The following TBC1D22A variants were observed in gnomAD, a reference collection of about 807,000 sequenced individuals.
The protein encoded by TBC1D22A is putative GTPase activator.
A neutral mutation model predicts 60.2 loss-of-function variants in TBC1D22A; 38 were observed. That is an observed-to-expected ratio of 0.63 (90% CI 0.49 to 0.83). TBC1D22A has a LOEUF of 0.83. TBC1D22A is among the 40% of genes least tolerant of loss of function. The probability of loss-of-function intolerance (pLI) is 0.00; values close to 1 mark genes in which losing one functional copy is unlikely to be tolerated. For missense variants in TBC1D22A, 628 were observed against 701.0 expected (o/e 0.90, Z 1.18); for synonymous variants, 302 against 281.7 (o/e 1.07, Z -0.72).
At chr22:46,882,382 C>T (rs903791883) in intron 5 of TBC1D22A, among the ~76,000 whole-genome samples, 3 of 152,100 alleles carry the variant, frequency 2.0e-5, no homozygotes, top group South Asian at 2.1e-4. Context: ...AATACTGTTA[C>T]GTCGGTTCTT....
chr22:47,013,204 T>C (rs1287753792), intron 10 of TBC1D22A, among the ~76,000 whole-genome samples: 1 of 152,186 alleles, frequency 6.6e-6, no homozygotes, highest in Non-Finnish European at 1.5e-5. Flanking sequence ...AGCATTTTTC[T>C]TTTTAGCTGC....
chr22:47,060,413 T>C (rs914311272), intron 11 of TBC1D22A, among the ~76,000 whole-genome samples: 3 of 151,490 alleles, frequency 2.0e-5, no homozygotes, highest in Admixed American at 6.6e-5. Flanking sequence ...AGCTAATTCG[T>C]TGTTTTTTGT....
chr22:47,160,874 G>T (rs899175075), intron 12 of TBC1D22A, among the ~76,000 whole-genome samples: 1 of 152,132 alleles, frequency 6.6e-6, no homozygotes, highest in Non-Finnish European at 1.5e-5. Flanking sequence ...TTCAGGACCC[G>T]CAGGCGCTGT....
intron 11 of TBC1D22A, among the ~76,000 whole-genome samples, chr22:47,100,043 C>T (rs1051292710): frequency 6.6e-6 from 1 of 152,146 alleles, no homozygotes; most frequent in Non-Finnish European, 1.5e-5. Flanking sequence ...ACAGACAGAG[C>T]CAAGATTGCA....
chr22:46,880,364 A>T (rs2147507654), intron 5 of TBC1D22A, among the ~76,000 whole-genome samples: 1 of 152,338 alleles, frequency 6.6e-6, no homozygotes, highest in African/African-American at 2.4e-5. Flanking sequence ...AGTGACTTTG[A>T]ATAAAATGGG....
chr22:47,129,697 C>T (rs1228864430), intron 12 of TBC1D22A, among the ~76,000 whole-genome samples: 1 of 152,006 alleles, frequency 6.6e-6, no homozygotes, highest in Non-Finnish European at 1.5e-5. Flanking sequence ...ATTAATGCCC[C>T]AAGCCTACAC....
intron 4 of TBC1D22A, among the ~76,000 whole-genome samples, chr22:46,799,599 T>C (rs1020498641): frequency 1.3e-5 from 2 of 152,204 alleles, no homozygotes; most frequent in Non-Finnish European, 2.9e-5. Context: ...CAGACTCCAG[T>C]GGGGACCATG....
intron 4 of TBC1D22A, among the ~76,000 whole-genome samples, chr22:46,871,442 A>C (rs1490921162): frequency 6.6e-6 from 1 of 152,260 alleles, no homozygotes; most frequent in African/African-American, 2.4e-5. Flanking sequence ...CACATTCACC[A>C]AGTAGACTGT....
intron 4 of TBC1D22A, among the ~76,000 whole-genome samples, chr22:46,811,037 T>C (rs1212849880): frequency 6.6e-6 from 1 of 152,226 alleles, no homozygotes. Context: ...CATGCGGCTG[T>C]CATCCAGGAC....
chr22:47,109,740 G>A (rs1430518100), intron 11 of TBC1D22A, among the ~76,000 whole-genome samples: 2 of 152,096 alleles, frequency 1.3e-5, no homozygotes, highest in South Asian at 2.1e-4. Flanking sequence ...AGTGGCTCTT[G>A]GTTCCTTTCT....
chr22:46,934,614 T>C (rs2071540640), intron 8 of TBC1D22A, among the ~76,000 whole-genome samples: 1 of 152,212 alleles, frequency 6.6e-6, no homozygotes, highest in African/African-American at 2.4e-5. Flanking sequence ...GACTCTGCCA[T>C]TGCAGTCCCT....
intron 8 of TBC1D22A, among the ~76,000 whole-genome samples, chr22:46,935,495 G>A (rs931124782): frequency 2.6e-5 from 4 of 152,252 alleles, no homozygotes; most frequent in African/African-American, 9.6e-5. Context: ...AATACAGTTA[G>A]AAACCATGAA....
At chr22:46,964,631 A>G (rs1361379506) in intron 8 of TBC1D22A, among the ~76,000 whole-genome samples, 1 of 152,238 alleles carries the variant, frequency 6.6e-6, no homozygotes, top group Non-Finnish European at 1.5e-5. Context: ...TTGATACAGT[A>G]GCCTCATATC....
At chr22:46,874,904 C>G (rs994058623) in intron 4 of TBC1D22A, among the ~76,000 whole-genome samples, 1 of 152,120 alleles carries the variant, frequency 6.6e-6, no homozygotes, top group Non-Finnish European at 1.5e-5. Context: ...TGTCCTTTGC[C>G]CCCTGTTTAA....
chr22:47,136,242 A>G (rs966926441), intron 12 of TBC1D22A, among the ~76,000 whole-genome samples: 1 of 152,166 alleles, frequency 6.6e-6, no homozygotes, highest in Non-Finnish European at 1.5e-5. Flanking sequence ...TCAGCCTCCT[A>G]GGAGCAGTGA....
intron 1 of TBC1D22A, among the ~76,000 whole-genome samples, chr22:46,767,433 A>G (rs1340301821): frequency 6.6e-6 from 1 of 152,180 alleles, no homozygotes; most frequent in Non-Finnish European, 1.5e-5. Flanking sequence ...TGAGAATTTG[A>G]TGATTTGCTG....
intron 4 of TBC1D22A, among the ~76,000 whole-genome samples, chr22:46,836,465 A>G (rs2086525728): frequency 6.6e-6 from 1 of 152,190 alleles, no homozygotes; most frequent in Non-Finnish European, 1.5e-5. Flanking sequence ...ACCACAAAGA[A>G]AAAACATACA....
intron 11 of TBC1D22A, among the ~76,000 whole-genome samples, chr22:47,064,182 C>T (rs959763038): frequency 4.6e-5 from 7 of 152,188 alleles, no homozygotes; most frequent in African/African-American, 1.2e-4. Flanking sequence ...TTGCCGTTGC[C>T]GGGGAGCCGC....
intron 4 of TBC1D22A, among the ~76,000 whole-genome samples, chr22:46,806,664 T>C (rs2085154524): frequency 1.3e-5 from 2 of 152,040 alleles, no homozygotes; most frequent in Non-Finnish European, 2.9e-5. Flanking sequence ...TAAAAAAGGA[T>C]ATAAAATGTG....
Sources: gnomAD v4.1 joint callset for allele counts (sites outside exome capture counted in the v4.1 genomes callset) on GRCh38, gnomAD v4.1.1 for gene constraint, MANE v1.5 for transcripts, NCBI Gene and HGNC (gene_info 2026-07-23, HGNC 2026-07-21) for gene names.